USP34: variants seen among roughly 807,000 people sequenced by gnomAD.
The protein encoded by USP34 is ubiquitin specific peptidase 34, also known as ubiquitin carboxyl-terminal hydrolase 34.
In USP34, 70 loss-of-function variants were observed where a neutral mutation model predicts 460.3. That is an observed-to-expected ratio of 0.15 (90% CI 0.13 to 0.19). The LOEUF (loss-of-function observed/expected upper bound fraction) is 0.19, where lower values mean the gene tolerates loss of function less well. Ranked by LOEUF, USP34 falls within the 10% of genes least tolerant of loss-of-function variation. The pLI, the probability that USP34 is intolerant of heterozygous loss-of-function variation, is 1.00. For missense variants in USP34, 3,985 were observed against 4,236.2 expected, an observed-to-expected ratio of 0.94 and a Z score of 1.65; for synonymous variants, 1,647 against 1,405.3, an observed-to-expected ratio of 1.17 and a Z score of -3.85.
intron 1 of USP34, among the ~76,000 whole-genome samples, chr2:61,454,074 G>A (rs1314629448): frequency 6.6e-6 from 1 of 152,080 alleles, no homozygotes; most frequent in Admixed American, 6.6e-5. Flanking sequence ...CAATCACAAG[G>A]TTTGTATTTC....
At chr2:61,356,276 C>T (rs890476157) in intron 10 of USP34, among the ~76,000 whole-genome samples, 1 of 152,044 alleles carries the variant, frequency 6.6e-6, no homozygotes, top group Non-Finnish European at 1.5e-5. Context: ...TCACTTGAGC[C>T]CAGGAAATCA....
chr2:61,222,541 G>C, intron 65 of USP34, 78 bp downstream of exon 65: 1 of 1,195,896 alleles, frequency 8.4e-7, no homozygotes, highest in Non-Finnish European at 1.2e-6. Context: ...TTGTTCTCGA[G>C]AACAATTAGG....
chr2:61,321,288 T>C (rs1418673222), intron 21 of USP34, among the ~76,000 whole-genome samples: 1 of 151,846 alleles, frequency 6.6e-6, no homozygotes, highest in Non-Finnish European at 1.5e-5. Context: ...CTGGCCAACA[T>C]GGTGAAACCC....
At chr2:61,405,490 G>T in intron 3 of USP34, among the ~76,000 whole-genome samples, 1 of 152,076 alleles carries the variant, frequency 6.6e-6, no homozygotes. Context: ...ATTAATTTCT[G>T]AGTTCAATGT....
chr2:61,333,990 T>A lies in USP34; in HGVS notation c.2745-19A>T. ...TACTGATCTGAAACAGCAGAAACATTCACAAAATAATTTTAGTAATTCTTT... is the reference window on the plus strand; with the variant it reads ...TACTGATCTGAAACAGCAGAAACATACACAAAATAATTTTAGTAATTCTTT... On this transcript the variant is annotated intron_variant, in intron 18 of 79. Coordinates refer to ENST00000398571, the MANE Select transcript of USP34 (RefSeq NM_014709.4). The A allele has an allele frequency of 2.7e-6, 4 of 1,508,644 alleles. No homozygotes were observed. Among genetic ancestry groups the A allele is most frequent in the Non-Finnish European group, 2.7e-6 (3 of 1,118,696 alleles). 93.5% of individuals were successfully genotyped at this position (1,508,644 alleles called of 1,614,324 possible).
Position 61,369,084 on chromosome 2 carries a change from T to C in USP34, c.1251+1237A>G, listed in dbSNP as rs1295617022. ...ACAAGATTTGCAAACTCACTCATGA[T>C]AAAAGAAACGCAAATTTAAAATACC... On this transcript the variant is annotated intron_variant, in intron 10 of 79. Coordinates refer to ENST00000398571, the MANE Select transcript of USP34 (RefSeq NM_014709.4). Among the ~76,000 whole-genome samples the C allele has an allele frequency of 3.3e-5, 5 of 152,172 alleles. No individual in the cohort carries two copies. The Middle Eastern group carries it at 0.01, about 311-fold the overall frequency.
intron 67 of USP34, among the ~76,000 whole-genome samples, chr2:61,217,324 A>G (rs1181829959): frequency 1.3e-5 from 2 of 152,208 alleles, no homozygotes; most frequent in Non-Finnish European, 2.9e-5. Context: ...TGGCAACTCT[A>G]AGACACTAAT....
At chr2:61,444,312 A>G (rs1193558894) in intron 1 of USP34, among the ~76,000 whole-genome samples, 2 of 152,146 alleles carry the variant, frequency 1.3e-5, no homozygotes, top group Admixed American at 6.6e-5. Context: ...AATAACAGAA[A>G]TTAAAATTGA....
At chr2:61,344,159 G>A in intron 15 of USP34, 130 bp from the exon 16 acceptor site, 1 of 797,900 alleles carries the variant, frequency 1.3e-6, no homozygotes, top group South Asian at 1.8e-5. Context: ...TTAACAATAT[G>A]GAATGTTGAG....
intron 2 of USP34, among the ~76,000 whole-genome samples, chr2:61,409,404 C>A (rs1009696369): frequency 6.6e-6 from 1 of 151,914 alleles, no homozygotes; most frequent in African/African-American, 2.4e-5. Context: ...AAAGATTCAG[C>A]CAAACTTACT....
chr2:61,317,505 C>T (rs1439339822), intron 23 of USP34, 149 bp downstream of exon 23: 1 of 616,526 alleles, frequency 1.6e-6, no homozygotes, highest in East Asian at 2.9e-5. Context: ...ACAGCCTGAG[C>T]AACAGAGATA....
chr2:61,223,506 T>G (rs952237791), intron 62 of USP34: 8 of 541,202 alleles, frequency 1.5e-5, no homozygotes, highest in African/African-American at 1.3e-4. Flanking sequence ...CCAAATGTAC[T>G]TCATTTTCAT....
chr2:61,344,136 C>T (rs1263543368), intron 15 of USP34, 107 bp from the exon 16 acceptor site: 3 of 977,632 alleles, frequency 3.1e-6, no homozygotes, highest in South Asian at 1.6e-5. Context: ...AGAAACAAAC[C>T]GACATCTGCT....
In USP34 at chr2:61,390,110, G is replaced by A. The variant is rs149029700; in HGVS notation, c.753+4743C>T. 6.0e-3 allele frequency among the ~76,000 whole-genome samples: 918 copies of A among 152,190 alleles called. 5 individuals carry two copies. The highest frequency in any genetic ancestry group is 0.021 in the African/African-American group (890 of 41,532). On this transcript the variant is annotated intron_variant, in intron 5 of 79. Transcript: ENST00000398571. ...AAATTGCTATTGTGTTCCCCTATAC[G>A]TTACTTAAGCCCTACAAGCTTATAC... is the stretch of plus-strand genomic sequence containing the variant.
intron 1 of USP34, among the ~76,000 whole-genome samples, chr2:61,423,844 A>T (rs1694432775): frequency 1.3e-5 from 2 of 152,198 alleles, no homozygotes; most frequent in African/African-American, 4.8e-5. Context: ...CTAGCTACTC[A>T]GGACACTAAG....
At chr2:61,350,236 T>C (rs907366283) in intron 12 of USP34, 24 bp downstream of exon 12, 1 of 1,575,968 alleles carries the variant, frequency 6.3e-7, no homozygotes, top group Non-Finnish European at 8.6e-7. Context: ...AACAATTTAC[T>C]TCAAAATACA....
chr2:61,294,979 C>T lies in USP34; in HGVS notation c.4431G>A (p.Val1477=). ...PDSDDSSEDQ[V]ENSKNSWSCK... is the part of the protein sequence containing the mutation. ...AACTCCAGGAATTTTTACTATTTTC[C>T]ACTTGATCTTCACTTGAATCATCTG... The change falls in exon 32 of 80, where the codon GTG becomes GTA. Residue 1477 remains valine (V), a synonymous_variant. Transcript: ENST00000398571. 1 of 1,612,688 alleles carries T rather than the reference C, an allele frequency of 6.2e-7. No individual in the cohort carries two copies.
At chr2:61,300,699 G>A (rs1452131003) in intron 29 of USP34, among the ~76,000 whole-genome samples, 2 of 151,452 alleles carry the variant, frequency 1.3e-5, no homozygotes, top group African/African-American at 2.4e-5. Context: ...GGGAGGCTGA[G>A]GCAGGAGAAT....
intron 1 of USP34, among the ~76,000 whole-genome samples, chr2:61,449,611 G>C (rs1485724332): frequency 6.6e-6 from 1 of 151,638 alleles, no homozygotes; most frequent in South Asian, 2.1e-4. Context: ...ACTGGCGTAA[G>C]GATAGACATA....
Sources: allele counts gnomAD v4.1 joint callset (sites outside exome capture counted in the v4.1 genomes callset), GRCh38; gene constraint gnomAD v4.1.1; transcripts MANE v1.5; gene names NCBI Gene and HGNC (gene_info 2026-07-23, HGNC 2026-07-21).